The following CEP44 variants were observed in gnomAD, a reference collection of about 807,000 sequenced individuals.
The protein encoded by CEP44 is centrosomal protein of 44 kDa.
In CEP44, 45 loss-of-function variants were observed where a neutral mutation model predicts 46.7. The ratio of observed to expected loss-of-function variants is 0.96; its 90% CI spans 0.76 to 1.24. The LOEUF (loss-of-function observed/expected upper bound fraction) is 1.24, where lower values mean the gene tolerates loss of function less well. Ranked by LOEUF, CEP44 falls within the 50% of genes most tolerant of loss-of-function variation. The pLI, the probability that CEP44 is intolerant of heterozygous loss-of-function variation, is 0.00. For synonymous variants in CEP44, 142 were observed against 146.0 expected, an observed-to-expected ratio of 0.97 and a Z score of 0.20; for missense variants, 475 against 459.7, an observed-to-expected ratio of 1.03 and a Z score of -0.30.
chr4:174,304,782 AT>A (rs1451335945), intron 6 of CEP44, among the ~76,000 whole-genome samples: 1 of 151,894 alleles, frequency 6.6e-6, no homozygotes, highest in Non-Finnish European at 1.5e-5. Flanking sequence ...GTAACCAAGT[AT>A]GAATTATCCA....
At chr4:174,294,930 A>G (rs1295699528) in intron 1 of CEP44, among the ~76,000 whole-genome samples, 29 of 100,704 alleles carry the variant, frequency 2.9e-4, no homozygotes, top group Admixed American at 5.1e-4. Flanking sequence ...AGGGGCGGCC[A>G]GGCAGAGGCG....
At position 174,310,989 on chromosome 4, in the gene CEP44, C is replaced by T. The variant is rs572749830; in HGVS notation, c.961+131C>T. The T allele has an allele frequency of 4.4e-5, 22 of 495,922 alleles. No individual in the cohort carries two copies. The South Asian group carries it at 8.4e-4, about 19-fold the overall frequency. 30.7% of individuals were successfully genotyped at this position (495,922 alleles called of 1,614,324 possible). A position where few individuals can be genotyped will look rare whatever the true frequency, so the allele number is the denominator to read the frequency against. ...TCCTAGAACAAAGAACATAATGAAC[C>T]TACAGACTACTAAAGCCAAGAATTG... On this transcript the variant is annotated intron_variant, in intron 9 of 11. Transcript: ENST00000503780. The surrounding 1 kb of genome is among the most constrained non-coding windows in gnomAD (Gnocchi z 4.2).
intron 4 of CEP44, among the ~76,000 whole-genome samples, chr4:174,303,466 G>T (rs1414860842): frequency 6.6e-6 from 1 of 151,952 alleles, no homozygotes; most frequent in Non-Finnish European, 1.5e-5. Flanking sequence ...CATCTCTCTG[G>T]ACAGACATCT....
In CEP44 at chr4:174,297,690, A is replaced by G. The variant is rs1739216512; in HGVS notation, c.-147-276A>G. Among the ~76,000 whole-genome samples, 2 of 142,372 alleles carry G rather than the reference A, an allele frequency of 1.4e-5. No homozygotes were observed. The highest frequency in any genetic ancestry group is 7.1e-5 in the Admixed American group (1 of 14,070). 93.4% of individuals were successfully genotyped at this position (142,372 alleles called of 152,430 possible). A position where few individuals can be genotyped will look rare whatever the true frequency, so the allele number is the denominator to read the frequency against. On this transcript the variant is annotated intron_variant, in intron 1 of 11. Coordinates refer to ENST00000503780, the MANE Select transcript of CEP44 (RefSeq NM_001040157.3). The surrounding 1 kb of genome is among the most constrained non-coding windows in gnomAD (Gnocchi z 4.3). ...TGTGTGTGTGTGTGTGTGTGTTTTC[A>G]TTAATACTTCTTTCTGCCTTCGAAC...
In CEP44 at chr4:174,302,180, C is replaced by G. The variant is rs1739803812; in HGVS notation, c.231C>G (p.Val77=). Residue 77 remains valine, a synonymous_variant, in exon 4 of 12, where the codon GTC becomes GTG. Coordinates refer to ENST00000503780, the MANE Select transcript of CEP44 (RefSeq NM_001040157.3). The stretch of plus-strand genomic sequence containing the variant: ...ATGACTTGCGCTTTATAGATGCTGT[C>G]TATAAGGTATTTTGAGTTTATCAAA... The part of the protein sequence containing the change: ...AKNDLRFIDA[V]YKLLRDQFNY... 6.3e-7 allele frequency: 1 copy of G among 1,585,688 alleles called. No individual in the cohort carries two copies. Among genetic ancestry groups the G allele is most frequent in the African/African-American group, 1.4e-5 (1 of 73,706 alleles).
At chr4:174,285,131 A>T (rs1344967448) in intron 1 of CEP44, among the ~76,000 whole-genome samples, 1 of 152,220 alleles carries the variant, frequency 6.6e-6, no homozygotes, top group East Asian at 1.9e-4. Flanking sequence ...TTTATTATTG[A>T]ATCTATGCTG....
In CEP44 at chr4:174,309,948, C is replaced by A; in HGVS notation, c.777C>A (p.Asp259Glu). 1 of 1,612,738 alleles carries A rather than the reference C, an allele frequency of 6.2e-7. No individual in the cohort carries two copies. Among genetic ancestry groups the A allele is most frequent in the Non-Finnish European group, 8.5e-7 (1 of 1,179,212 alleles). The change falls in exon 8 of 12, where the codon GAC (aspartate) becomes GAA (glutamate). Residue 259 changes from aspartate (D) to glutamate (E), a missense_variant. Physicochemically the swap from Asp to Glu is conservative, Grantham distance 45 (BLOSUM62 2). Coordinates refer to ENST00000503780, the MANE Select transcript of CEP44 (RefSeq NM_001040157.3). This position sits in a 1 kb window ranked among gnomAD's most constrained non-coding sequence, Gnocchi z 5.3. ...KKLTSIEKRLDCLEQKMKGKV... is the reference protein window; with the variant it reads ...KKLTSIEKRLECLEQKMKGKV... ...TGACTTCGATAGAGAAAAGGTTAGA[C>A]TGTTTGGAACAAAAAATGAAAGGAA...
rs1478154659 is a variant in CEP44 at position 174,287,428 on chromosome 4, A to G, written c.-148+3485A>G. On this transcript the variant is annotated intron_variant, in intron 1 of 11. Coordinates refer to ENST00000503780, the MANE Select transcript of CEP44 (RefSeq NM_001040157.3). The surrounding 1 kb of genome is among the most constrained non-coding windows in gnomAD (Gnocchi z 5.1). ...ATGCCGAGGGGTATTAGCCAGATGG[A>G]GAATGGGAGAGGGAAGGAGTTGCTC... Among the ~76,000 whole-genome samples, 1 of 152,132 alleles carries G rather than the reference A, an allele frequency of 6.6e-6. No homozygotes were observed. Among genetic ancestry groups the G allele is most frequent in the African/African-American group, 2.4e-5 (1 of 41,420 alleles).
chr4:174,289,938 A>T (rs1239431922), intron 1 of CEP44, among the ~76,000 whole-genome samples: 1 of 151,732 alleles, frequency 6.6e-6, no homozygotes, highest in African/African-American at 2.4e-5. Context: ...TCCCGGGTTC[A>T]AGTGATTCTC....
chr4:174,301,990 TATGCTTATTAA>T lies in CEP44; in HGVS notation c.90-36_90-26del, dbSNP rs1228706549. 6 of 1,501,706 alleles carry T rather than the reference TATGCTTATTAA, an allele frequency of 4.0e-6. No homozygotes were observed. Among genetic ancestry groups the T allele is most frequent in the African/African-American group, 2.8e-5 (2 of 70,464 alleles). 93.0% of individuals were successfully genotyped at this position (1,501,706 alleles called of 1,614,324 possible). On this transcript the variant is annotated intron_variant, in intron 3 of 11. Transcript: ENST00000503780. The surrounding 1 kb of genome is among the most constrained non-coding windows in gnomAD (Gnocchi z 4.3). ...TCTTGATTATCCAACTTTGTGGAAT[TATGCTTATTAA>T]ATGCTTATTAAAAATATTTTTCTTT...
In CEP44 at chr4:174,331,167, T is replaced by C. The variant is rs1560929036; in HGVS notation, c.1087-315T>C. Among the ~76,000 whole-genome samples, 1 of 152,044 alleles carries C rather than the reference T, an allele frequency of 6.6e-6. No individual in the cohort carries two copies. Among genetic ancestry groups the C allele is most frequent in the Non-Finnish European group, 1.5e-5 (1 of 68,002 alleles). ...TAGTACGTAAATTAGATCTCATAATTATGTTACCAATTTTTTAATTAAAGT... is the reference window on the plus strand; with the variant it reads ...TAGTACGTAAATTAGATCTCATAATCATGTTACCAATTTTTTAATTAAAGT... On this transcript the variant is annotated intron_variant, in intron 8 of 8. Coordinates refer to the CEP44 transcript ENST00000426172. This position sits in a 1 kb window ranked among gnomAD's most constrained non-coding sequence, Gnocchi z 4.5.
At chr4:174,296,071 A>G (rs969947600) in intron 1 of CEP44, among the ~76,000 whole-genome samples, 1 of 152,210 alleles carries the variant, frequency 6.6e-6, no homozygotes, top group African/African-American at 2.4e-5. Context: ...TTGCTTTAGT[A>G]TAGAATTCAA....
At chr4:174,324,977 T>A (rs560525438), downstream of CEP44, among the ~76,000 whole-genome samples, 12 of 152,166 alleles carry the variant, frequency 7.9e-5, no homozygotes, top group Non-Finnish European at 1.6e-4. Context: ...CAGTTTCATC[T>A]GCGTTGTGCT....
upstream of CEP44, chr4:174,283,832 G>A (rs897141548): frequency 5.0e-6 from 2 of 398,712 alleles, no homozygotes; most frequent in Admixed American, 4.4e-5. This position sits in a 1 kb window ranked among gnomAD's most constrained non-coding sequence, Gnocchi z 6.7. Context: ...ACTGGCCATT[G>A]AGGAGGCTCT....
At chr4:174,298,947 T>A in intron 2 of CEP44, 125 bp from the exon 3 acceptor site, 1 of 545,068 alleles carries the variant, frequency 1.8e-6, no homozygotes, top group Non-Finnish European at 3.2e-6. Flanking sequence ...GAGAAGAAGC[T>A]CGGGGAAAAA....
At chr4:174,308,608 C>A in intron 6 of CEP44, 81 bp from the exon 7 acceptor site, 1 of 1,354,652 alleles carries the variant, frequency 7.4e-7, no homozygotes, top group Non-Finnish European at 1.0e-6. Flanking sequence ...TGCACATGGA[C>A]CCCTGAACTT....
At position 174,310,001 on chromosome 4, in the gene CEP44, C is replaced by T; in HGVS notation, c.830C>T (p.Thr277Ile). The T allele has an allele frequency of 1.2e-6, 2 of 1,612,722 alleles. No individual in the cohort carries two copies. The highest frequency in any genetic ancestry group is 1.7e-6 in the Non-Finnish European group (2 of 1,179,180). Residue 277 changes from threonine (T) to isoleucine (I), a missense_variant, in exon 8 of 12, where the codon ACT becomes ATT. By Grantham distance (89) the Thr-to-Ile change is moderately conservative. Coordinates refer to ENST00000503780, the MANE Select transcript of CEP44 (RefSeq NM_001040157.3). This position sits in a 1 kb window ranked among gnomAD's most constrained non-coding sequence, Gnocchi z 4.2. ...GTGATGGTAGATGAAAACACCTGGA[C>T]TAATCTTCTTAGTCGTGTCACTCTT... is the stretch of plus-strand genomic sequence containing the variant. ...GKVMVDENTW[T>I]NLLSRVTLLE... is the part of the protein sequence containing the mutation.
chr4:174,313,867 T>G (rs928343053), intron 9 of CEP44, among the ~76,000 whole-genome samples: 2 of 152,064 alleles, frequency 1.3e-5, no homozygotes, highest in African/African-American at 4.8e-5. Context: ...AAATAAAAAA[T>G]TCAGGAAGAG....
Position 174,320,079 on chromosome 4 carries a change from C to T in CEP44, c.*2696C>T. 6 of 985,110 alleles carry T rather than the reference C, an allele frequency of 6.1e-6. No individual in the cohort carries two copies. The highest frequency in any genetic ancestry group is 7.2e-6 in the Non-Finnish European group (6 of 829,830). The allele number at this position is 985,110 out of a possible 1,614,324, so 61.0% of individuals were successfully genotyped here. A position where few individuals can be genotyped will look rare whatever the true frequency, so the allele number is the denominator to read the frequency against. On this transcript the variant is annotated 3_prime_UTR_variant, in exon 12 of 12. Coordinates refer to ENST00000503780, the MANE Select transcript of CEP44 (RefSeq NM_001040157.3). ...CCAACAAAGGTGTCAGTTGCTTGTG[C>T]TGCCCTGTCTATGTTATGCTCTGAA...
Sources: gnomAD v4.1 joint callset for allele counts (sites outside exome capture counted in the v4.1 genomes callset) on GRCh38, gnomAD v4.1.1 for gene constraint, Gnocchi (gnomAD v3.1) non-coding constraint, MANE v1.5 for transcripts, NCBI Gene and HGNC (gene_info 2026-07-23, HGNC 2026-07-21) for gene names.